ARAP3: variants seen among roughly 807,000 people sequenced by gnomAD.
ARAP3 encodes the protein ArfGAP with RhoGAP domain, ankyrin repeat and PH domain 3, also known as arf-GAP with Rho-GAP domain, ANK repeat and PH domain-containing protein 3.
In ARAP3, 82 loss-of-function variants were observed where a neutral mutation model predicts 169.2. The ratio of observed to expected loss-of-function variants is 0.48; its 90% confidence interval spans 0.41 to 0.58. The LOEUF is 0.58. Ranked by LOEUF, ARAP3 falls within the 20% of genes least tolerant of loss-of-function variation. The pLI is 0.00. For missense variants in ARAP3, 1,764 were observed against 2,018.0 expected, an observed-to-expected ratio of 0.87 and a Z score of 2.41; for synonymous variants, 791 against 800.3, an observed-to-expected ratio of 0.99 and a Z score of 0.20.
chr5:141,654,826 G>A (rs1241518708), intron 32 of ARAP3, among the ~76,000 whole-genome samples: 4 of 150,470 alleles, frequency 2.7e-5, no homozygotes, highest in African/African-American at 4.9e-5. Flanking sequence ...TGCAACCTCC[G>A]CCTCCCAGGT....
Position 141,662,233 on chromosome 5 carries a change from G to A in ARAP3, c.2823C>T (p.Tyr941=), listed in dbSNP as rs2099910053. The change falls in exon 20 of 33, where the codon TAC becomes TAT. Residue 941 remains tyrosine, a synonymous_variant. Transcript: ENST00000239440. ...TGCGGGCACGAGCGCCCCCTTTCCGGTATACACCTTCCAGCCGGAGCCCTG... is the reference window on the plus strand; with the variant it reads ...TGCGGGCACGAGCGCCCCCTTTCCGATATACACCTTCCAGCCGGAGCCCTG... ...TQHGLRLEGV[Y]RKGGARARSL... 1 of 1,614,148 alleles carries A rather than the reference G, an allele frequency of 6.2e-7. No individual in the cohort carries two copies. The highest frequency in any genetic ancestry group is 1.1e-5 in the South Asian group (1 of 91,084).
At position 141,679,996 on chromosome 5, in the gene ARAP3, T is replaced by A; in HGVS notation, c.491A>T (p.Asp164Val). The part of the protein sequence containing the change: ...MMPNSIYFGL[D>V]SRGRAQAAQD... ...AGCTGCCTGTGCCCTGCCTCTTGAG[T>A]CCAGGCCGAAGTAGATGGAATTAGG... is the stretch of plus-strand genomic sequence containing the variant. The change falls in exon 2 of 33, where the codon GAC (aspartate) becomes GTC (valine). Residue 164 changes from aspartate to valine, a missense_variant. Asp to Val is a radical substitution (Grantham distance 152). This residue lies in a region of ARAP3 where 630 missense variants were observed against 678.7 expected (regional missense o/e 0.93). Transcript: ENST00000239440. The A allele has an allele frequency of 6.2e-7, 1 of 1,614,114 alleles. No homozygotes were observed. Among genetic ancestry groups the A allele is most frequent in the Non-Finnish European group, 8.5e-7 (1 of 1,180,028 alleles).
chr5:141,672,025 G>T lies in ARAP3; in HGVS notation c.1586-45C>A. 4 of 1,613,964 alleles carry T rather than the reference G, an allele frequency of 2.5e-6. No individual in the cohort carries two copies. The highest frequency in any genetic ancestry group is 3.4e-6 in the Non-Finnish European group (4 of 1,179,924). Reference sequence around the variant, plus strand: ...TGTGAGGGTGTGTGAGGGTGTGAGGGGCATGTGGCACGGGTACCCTGAGCC... The same window carrying T: ...TGTGAGGGTGTGTGAGGGTGTGAGGTGCATGTGGCACGGGTACCCTGAGCC... On this transcript the variant is annotated intron_variant, in intron 10 of 32. Transcript: ENST00000239440. The surrounding 1 kb of genome is among the most constrained non-coding windows in gnomAD (Gnocchi z 4.9).
At position 141,673,275 on chromosome 5, in the gene ARAP3, C is replaced by A. The variant is rs1045131479; in HGVS notation, c.972+126G>T. On this transcript the variant is annotated intron_variant, in intron 6 of 32. Transcript: ENST00000239440. ...GCTGCTAAGCCAGCTACTTTAAATG[C>A]TGACATCAGTCATGCAGTCACTGCC... 5.8e-6 allele frequency: 9 copies of A among 1,554,098 alleles called. No homozygotes were observed. In the African/African-American group the frequency reaches 8.1e-5, roughly 14 times the overall value.
chr5:141,668,906 C>T (rs942864487), intron 16 of ARAP3, among the ~76,000 whole-genome samples: 7 of 152,082 alleles, frequency 4.6e-5, no homozygotes, highest in East Asian at 1.9e-4. Flanking sequence ...AGGCTGCACA[C>T]GACTTTCTGA....
intron 4 of ARAP3, among the ~76,000 whole-genome samples, chr5:141,678,643 G>A (rs756548659): frequency 2.0e-5 from 3 of 150,660 alleles, no homozygotes; most frequent in Non-Finnish European, 4.4e-5. Flanking sequence ...GTCCACCACC[G>A]CACCTGGCTA....
intron 21 of ARAP3, among the ~76,000 whole-genome samples, chr5:141,661,304 C>A (rs995757463): frequency 2.6e-5 from 4 of 152,136 alleles, no homozygotes; most frequent in Non-Finnish European, 4.4e-5. Context: ...CCTTAGATGA[C>A]CCGCCCACCT....
intron 4 of ARAP3, among the ~76,000 whole-genome samples, chr5:141,675,358 G>A (rs776160901): frequency 6.6e-6 from 1 of 152,054 alleles, no homozygotes; most frequent in Non-Finnish European, 1.5e-5. Flanking sequence ...ACACTTAAAT[G>A]TGAATCTCTG....
At chr5:141,675,136 T>C (rs2099911991) in intron 4 of ARAP3, among the ~76,000 whole-genome samples, 1 of 152,222 alleles carries the variant, frequency 6.6e-6, no homozygotes, top group African/African-American at 2.4e-5. Context: ...CTCTTCCCTC[T>C]ACCTAGAACT....
At chr5:141,678,858 T>G (rs6873850) in intron 4 of ARAP3, among the ~76,000 whole-genome samples, 5,958 of 152,266 alleles carry the variant, frequency 0.039, 377 homozygotes, top group African/African-American at 0.13. Context: ...TCTATAGTAT[T>G]TAATGTATTA....
At chr5:141,681,290 G>A (rs1363955452) in intron 1 of ARAP3, among the ~76,000 whole-genome samples, 1 of 152,182 alleles carries the variant, frequency 6.6e-6, no homozygotes, top group South Asian at 2.1e-4. Flanking sequence ...TCTGCCCACC[G>A]GCAGCATGTT....
In ARAP3 at chr5:141,679,625, A is replaced by G; in HGVS notation, c.618T>C (p.Tyr206=). ...CTGGAGTCCCCACAGGTTGGACACC[A>G]TAGTACAGGCAACCAGGATCCATGA... ...VHIMDPGCLY[Y]GVQPVGTPGA... Residue 206 remains tyrosine (Y), a synonymous_variant, in exon 4 of 33, where the codon TAT becomes TAC. Coordinates refer to ENST00000239440, the MANE Select transcript of ARAP3 (RefSeq NM_022481.6). 5 of 1,614,092 alleles carry G rather than the reference A, an allele frequency of 3.1e-6. No homozygotes were observed. The highest frequency in any genetic ancestry group is 4.2e-6 in the Non-Finnish European group (5 of 1,180,000).
intron 1 of ARAP3, 48 bp from the exon 2 acceptor site, chr5:141,680,551 C>A: frequency 2.0e-6 from 3 of 1,513,806 alleles, no homozygotes; most frequent in Non-Finnish European, 1.8e-6. Context: ...GAGAATCCCC[C>A]TCTCTGCCCC....
chr5:141,679,721 G>T, intron 3 of ARAP3, 40 bp downstream of exon 3: 2 of 1,613,984 alleles, frequency 1.2e-6, no homozygotes, highest in Non-Finnish European at 1.7e-6. Flanking sequence ...AGGTCCTGCC[G>T]GCACTATCCC....
At chr5:141,660,028 G>A in intron 21 of ARAP3, 102 bp from the exon 22 acceptor site, 2 of 1,417,350 alleles carry the variant, frequency 1.4e-6, no homozygotes, top group East Asian at 2.5e-5. Flanking sequence ...GAATACAGCA[G>A]TAAGATAATA....
chr5:141,661,482 C>T (rs533100540), intron 21 of ARAP3, among the ~76,000 whole-genome samples: 1 of 152,332 alleles, frequency 6.6e-6, no homozygotes, highest in East Asian at 1.9e-4. Flanking sequence ...CCCAAAGTCA[C>T]ACAGCTAGAA....
At chr5:141,655,588 G>A (rs776656679) in intron 31 of ARAP3, 33 bp downstream of exon 31, 1 of 1,613,670 alleles carries the variant, frequency 6.2e-7, no homozygotes, top group African/African-American at 1.3e-5. Flanking sequence ...CTACACGACA[G>A]GAATCGGGTT....
intron 1 of ARAP3, among the ~76,000 whole-genome samples, chr5:141,681,111 G>A (rs111807643): frequency 8.5e-4 from 129 of 152,236 alleles, no homozygotes; most frequent in African/African-American, 3.0e-3. Flanking sequence ...TCCAGCCCTG[G>A]CCGCCTCCAC....
rs2099908784 is a variant in ARAP3 at position 141,653,437 on chromosome 5, C to T, written c.*513G>A. 6.5e-6 allele frequency: 1 copy of T among 152,758 alleles called. No individual in the cohort carries two copies. Among genetic ancestry groups the T allele is most frequent in the Admixed American group, 6.5e-5 (1 of 15,286 alleles). 9.5% of individuals were successfully genotyped at this position (152,758 alleles called of 1,614,324 possible). A position where few individuals can be genotyped will look rare whatever the true frequency, so the allele number is the denominator to read the frequency against. ...CCCAGGTTTATTGACAATTACTCAT[C>T]TATTTTTGACTCCCCGAGTCCCAGC... is the stretch of plus-strand genomic sequence containing the variant. On this transcript the variant is annotated 3_prime_UTR_variant, in exon 33 of 33. Transcript: ENST00000239440.
Sources: allele counts gnomAD v4.1 joint callset (sites outside exome capture counted in the v4.1 genomes callset), GRCh38; gene constraint gnomAD v4.1.1; regional missense constraint gnomAD v4.1.1; non-coding constraint Gnocchi (gnomAD v3.1); transcripts MANE v1.5; gene names NCBI Gene and HGNC (gene_info 2026-07-23, HGNC 2026-07-21).